MIPOL1: variants seen among roughly 807,000 people sequenced by gnomAD.
MIPOL1 encodes mirror-image polydactyly 1.
In MIPOL1, 57 loss-of-function variants were observed where a neutral mutation model predicts 60.9. The observed-to-expected ratio is 0.94, with a 90% CI of 0.76 to 1.17. The LOEUF (loss-of-function observed/expected upper bound fraction) is 1.17. MIPOL1 is among the 50% of genes most tolerant of loss of function. The pLI, the probability that MIPOL1 is intolerant of heterozygous loss-of-function variation, is 0.00. For missense variants in MIPOL1, 551 were observed against 511.6 expected (o/e 1.08, Z -0.74); for synonymous variants, 179 against 168.8 (o/e 1.06, Z -0.47).
At chr14:37,385,459 GCT>G in intron 10 of MIPOL1, 1 of 152,240 alleles carries the variant, frequency 6.6e-6, no homozygotes, top group South Asian at 2.1e-4. Context: ...CGTGACAGCA[GCT>G]CTAGTTTTAA....
At chr14:37,302,969 C>A (rs144399629) in intron 7 of MIPOL1, among the ~76,000 whole-genome samples, 1 of 151,510 alleles carries the variant, frequency 6.6e-6, no homozygotes, top group Non-Finnish European at 1.5e-5. Context: ...TGGAGATTTG[C>A]GGGTACTATA....
At chr14:37,447,503 A>C (rs575451878) in intron 11 of MIPOL1, among the ~76,000 whole-genome samples, 1 of 152,162 alleles carries the variant, frequency 6.6e-6, no homozygotes, top group East Asian at 1.9e-4. Flanking sequence ...TAGTTCCCTC[A>C]TTTTACTGTG....
intron 9 of MIPOL1, among the ~76,000 whole-genome samples, chr14:37,368,393 A>C (rs2092543498): frequency 6.6e-6 from 1 of 152,044 alleles, no homozygotes; most frequent in South Asian, 2.1e-4. Context: ...GTACTGCCTA[A>C]TATGATTTGG....
chr14:37,501,642 A>G (rs1007285259), intron 12 of MIPOL1: 8 of 152,184 alleles, frequency 5.3e-5, no homozygotes, highest in African/African-American at 1.9e-4. Flanking sequence ...AGATAACCAA[A>G]TAGGAACAGC....
intron 11 of MIPOL1, among the ~76,000 whole-genome samples, chr14:37,496,530 A>G (rs1209641844): frequency 6.9e-6 from 1 of 145,088 alleles, no homozygotes; most frequent in Non-Finnish European, 1.5e-5. Context: ...GAGCCAAATC[A>G]TGAGTGAACT....
At chr14:37,486,338 G>A (rs1425192960) in intron 11 of MIPOL1, among the ~76,000 whole-genome samples, 1 of 152,140 alleles carries the variant, frequency 6.6e-6, no homozygotes, top group African/African-American at 2.4e-5. Flanking sequence ...GGTTCCAAAT[G>A]AAATTTAAAG....
chr14:37,294,664 C>CA (rs1416343915), intron 7 of MIPOL1, among the ~76,000 whole-genome samples: 1 of 152,048 alleles, frequency 6.6e-6, no homozygotes, highest in African/African-American at 2.4e-5. Flanking sequence ...GATGAATGCA[C>CA]AAGCCTCAGT....
chr14:37,528,528 T>A (rs997691192), intron 12 of MIPOL1, among the ~76,000 whole-genome samples: 5 of 152,088 alleles, frequency 3.3e-5, no homozygotes, highest in African/African-American at 1.2e-4. Context: ...TATTTTTAAC[T>A]CCCTTTAAGT....
At chr14:37,221,430 G>A (rs149840499) in intron 1 of MIPOL1, among the ~76,000 whole-genome samples, 217 of 152,286 alleles carry the variant, frequency 1.4e-3, no homozygotes, top group African/African-American at 4.8e-3. Context: ...ATACTGTCAC[G>A]TGGTGTGTTA....
intron 10 of MIPOL1, among the ~76,000 whole-genome samples, chr14:37,386,276 A>G (rs1470375743): frequency 6.6e-6 from 1 of 151,954 alleles, no homozygotes; most frequent in African/African-American, 2.4e-5. Context: ...TTGTTTCAGT[A>G]TTTATTTTCA....
chr14:37,369,454 T>G, intron 9 of MIPOL1, 63 bp from the exon 10 acceptor site: 1 of 1,154,128 alleles, frequency 8.7e-7, no homozygotes, highest in Non-Finnish European at 1.3e-6. Flanking sequence ...CATTAATTCA[T>G]GTGGCTTGGT....
At chr14:37,302,873 T>C (rs2086436895) in intron 7 of MIPOL1, among the ~76,000 whole-genome samples, 1 of 151,846 alleles carries the variant, frequency 6.6e-6, no homozygotes, top group South Asian at 2.1e-4. Context: ...ACTTTGCCCT[T>C]TTATTACAGA....
intron 9 of MIPOL1, among the ~76,000 whole-genome samples, chr14:37,341,455 A>G (rs2090566025): frequency 6.6e-6 from 1 of 152,234 alleles, no homozygotes; most frequent in African/African-American, 2.4e-5. Context: ...TACCATAGAC[A>G]TTGTTAGGAA....
intron 9 of MIPOL1, among the ~76,000 whole-genome samples, chr14:37,316,102 C>T (rs868246906): frequency 4.0e-5 from 6 of 151,656 alleles, no homozygotes; most frequent in African/African-American, 9.7e-5. Flanking sequence ...TATAAGCTCA[C>T]CGCAACCTCT....
intron 11 of MIPOL1, among the ~76,000 whole-genome samples, chr14:37,499,215 A>T (rs556505926): frequency 6.6e-6 from 1 of 152,262 alleles, no homozygotes; most frequent in African/African-American, 2.4e-5. Flanking sequence ...TTTGACCTTT[A>T]GCATTTTAGG....
chr14:37,262,238 A>G (rs11849999), intron 3 of MIPOL1, among the ~76,000 whole-genome samples: 5,993 of 152,108 alleles, frequency 0.039, 276 homozygotes, highest in African/African-American at 0.11. Context: ...TAAATTACTT[A>G]AGGAATTTGT....
chr14:37,317,266 T>C (rs1373629898), intron 9 of MIPOL1, among the ~76,000 whole-genome samples: 1 of 152,208 alleles, frequency 6.6e-6, no homozygotes, highest in Non-Finnish European at 1.5e-5. Context: ...AGATTTAAAA[T>C]GTGGAGACAG....
rs1006206562 is a variant in MIPOL1, at chr14:37,548,055, A to C, written c.*1084A>C. On this transcript the variant is annotated 3_prime_UTR_variant, in exon 13 of 13. Coordinates refer to ENST00000684589, the MANE Select transcript of MIPOL1 (RefSeq NM_001388067.1). ...ATAGGCAAAATACTTTCATATTTTT[A>C]GATTAGACAGACGAAAGACCAAGAG... 2 of 152,088 alleles carry C rather than the reference A, an allele frequency of 1.3e-5. No individual in the cohort carries two copies. The highest frequency in any genetic ancestry group is 4.8e-5 in the African/African-American group (2 of 41,454). The allele number at this position is 152,088 out of a possible 1,614,324, so 9.4% of individuals were successfully genotyped here.
intron 1 of MIPOL1, among the ~76,000 whole-genome samples, chr14:37,223,552 G>C (rs1438049377): frequency 6.6e-6 from 1 of 151,776 alleles, no homozygotes; most frequent in Non-Finnish European, 1.5e-5. Flanking sequence ...GCCCAGGCTG[G>C]AGTGCAATGG....
Sources: gnomAD v4.1 joint callset for allele counts (sites outside exome capture counted in the v4.1 genomes callset) on GRCh38, gnomAD v4.1.1 for gene constraint, MANE v1.5 for transcripts, NCBI Gene and HGNC (gene_info 2026-07-23, HGNC 2026-07-21) for gene names.